The following AKAP19 variants were observed in gnomAD, a reference collection of about 807,000 sequenced individuals.
AKAP19 encodes the protein A-kinase anchoring protein 19, also known as small A-kinase anchoring protein.
the AKAP19 span, among the ~76,000 whole-genome samples, chr2:189,972,022 A>G: frequency 1.3e-5 from 2 of 152,070 alleles, no homozygotes; most frequent in Non-Finnish European, 1.5e-5. Flanking sequence ...TTTTGTTGCC[A>G]TTGCTTTTGG....
At chr2:190,047,679 T>C in the AKAP19 span, among the ~76,000 whole-genome samples, 240 of 152,340 alleles carry the variant, frequency 1.6e-3, no homozygotes, top group African/African-American at 5.6e-3. Context: ...AGAATTGATA[T>C]GTTACTTCAG....
the AKAP19 span, chr2:190,137,971 T>C: frequency 6.6e-6 from 1 of 152,282 alleles, no homozygotes; most frequent in Non-Finnish European, 1.5e-5. Context: ...TTTTTAACTA[T>C]AATGGAATAT....
chr2:189,880,379 AT>A, the AKAP19 span, among the ~76,000 whole-genome samples: 1 of 152,274 alleles, frequency 6.6e-6, no homozygotes, highest in African/African-American at 2.4e-5. Context: ...GTCTCAATAA[AT>A]TTAGAAGTTT....
At chr2:190,152,572 T>C in the AKAP19 span, among the ~76,000 whole-genome samples, 1 of 152,188 alleles carries the variant, frequency 6.6e-6, no homozygotes, top group Non-Finnish European at 1.5e-5. Context: ...GAATAGCACT[T>C]TTATTGCTTT....
At chr2:189,938,379 G>C in the AKAP19 span, among the ~76,000 whole-genome samples, 2 of 151,620 alleles carry the variant, frequency 1.3e-5, no homozygotes, top group African/African-American at 2.4e-5. Flanking sequence ...CTTATACTAT[G>C]GTGTACTATT....
the AKAP19 span, among the ~76,000 whole-genome samples, chr2:190,175,886 T>C: frequency 6.6e-6 from 1 of 152,098 alleles, no homozygotes; most frequent in Non-Finnish European, 1.5e-5. Flanking sequence ...CTTTAAGAGG[T>C]GATTAGGCCT....
At chr2:190,154,446 C>T in the AKAP19 span, among the ~76,000 whole-genome samples, 3 of 152,198 alleles carry the variant, frequency 2.0e-5, no homozygotes, top group Admixed American at 2.0e-4. Context: ...AATTGCTAAG[C>T]TGTTTGGTAC....
At chr2:189,910,463 C>G in the AKAP19 span, among the ~76,000 whole-genome samples, 1 of 151,776 alleles carries the variant, frequency 6.6e-6, no homozygotes, top group South Asian at 2.1e-4. Context: ...ATGGTCAGGC[C>G]AAACTACTAT....
At chr2:190,017,100 C>G in the AKAP19 span, among the ~76,000 whole-genome samples, 4 of 151,966 alleles carry the variant, frequency 2.6e-5, no homozygotes, top group Non-Finnish European at 5.9e-5. Context: ...GTATGGCTAC[C>G]ATTGCTTTCT....
chr2:189,977,912 A>G, the AKAP19 span, among the ~76,000 whole-genome samples: 1 of 152,348 alleles, frequency 6.6e-6, no homozygotes, highest in Middle Eastern at 3.4e-3. Context: ...TCTTCATACA[A>G]CCATTCTGTT....
chr2:190,181,561 A>C, the AKAP19 span, among the ~76,000 whole-genome samples: 2 of 152,212 alleles, frequency 1.3e-5, no homozygotes, highest in African/African-American at 4.8e-5. Flanking sequence ...TAAGAAATTA[A>C]GAGGAGTAGA....
the AKAP19 span, among the ~76,000 whole-genome samples, chr2:189,985,325 C>A: frequency 6.6e-6 from 1 of 152,118 alleles, no homozygotes; most frequent in Non-Finnish European, 1.5e-5. Flanking sequence ...TCCTTAGTAG[C>A]CATCATTTTC....
the AKAP19 span, among the ~76,000 whole-genome samples, chr2:189,989,626 A>G: frequency 3.3e-5 from 5 of 152,112 alleles, no homozygotes; most frequent in Non-Finnish European, 7.4e-5. Flanking sequence ...GGAAGATATA[A>G]CATTTCTAAA....
chr2:190,132,522 A>G, the AKAP19 span, among the ~76,000 whole-genome samples: 102 of 152,344 alleles, frequency 6.7e-4, no homozygotes, highest in Non-Finnish European at 1.4e-3. Context: ...TCAAGCATAT[A>G]CAATGGGAGA....
chr2:190,057,456 A>G, the AKAP19 span: 7 of 1,613,466 alleles, frequency 4.3e-6, no homozygotes, highest in Non-Finnish European at 5.9e-6. Context: ...CACACTCTCC[A>G]GAGCAGTAAT....
At chr2:189,912,660 A>G in the AKAP19 span, among the ~76,000 whole-genome samples, 2 of 152,322 alleles carry the variant, frequency 1.3e-5, no homozygotes, top group Non-Finnish European at 2.9e-5. Flanking sequence ...GTGATTTATT[A>G]TTGTCTCTAT....
the AKAP19 span, among the ~76,000 whole-genome samples, chr2:190,077,668 A>C: frequency 6.6e-6 from 1 of 152,114 alleles, no homozygotes; most frequent in Non-Finnish European, 1.5e-5. Context: ...TAGTAAGTCT[A>C]GTAATTTTTT....
At chr2:189,916,646 C>T in the AKAP19 span, among the ~76,000 whole-genome samples, 1 of 152,018 alleles carries the variant, frequency 6.6e-6, no homozygotes, top group East Asian at 1.9e-4. Flanking sequence ...TTTCATATGC[C>T]TGTACTAGAA....
At chr2:189,974,283 A>G in the AKAP19 span, among the ~76,000 whole-genome samples, 1 of 151,746 alleles carries the variant, frequency 6.6e-6, no homozygotes, top group East Asian at 1.9e-4. Context: ...ATGTAGTTGA[A>G]CGGTTTTGAG....
Sources: allele counts gnomAD v4.1 joint callset (sites outside exome capture counted in the v4.1 genomes callset), GRCh38; gene constraint gnomAD v4.1.1; transcripts MANE v1.5; gene names NCBI Gene and HGNC (gene_info 2026-07-23, HGNC 2026-07-21).